ARID1B: variants seen among roughly 807,000 people sequenced by gnomAD.
ARID1B encodes the protein AT-rich interactive domain-containing protein 1B.
Under a neutral mutation model 212.3 loss-of-function variants are expected in ARID1B, and 30 were observed. That is an observed-to-expected ratio of 0.14 (90% CI 0.11 to 0.19). The LOEUF is 0.19. Ranked by LOEUF, ARID1B falls within the 10% of genes least tolerant of loss-of-function variation. The pLI is 1.00. For synonymous variants in ARID1B, 1,402 were observed against 1,301.7 expected (o/e 1.08, Z -1.66); for missense variants, 2,891 against 3,204.0 (o/e 0.90, Z 2.36).
intron 2 of ARID1B, among the ~76,000 whole-genome samples, chr6:156,833,572 A>G (rs1047149725): frequency 6.6e-6 from 1 of 152,212 alleles, no homozygotes; most frequent in Non-Finnish European, 1.5e-5. Flanking sequence ...ATTGAAGTTC[A>G]TGAGTGCTTT....
intron 4 of ARID1B, among the ~76,000 whole-genome samples, chr6:157,028,301 G>A (rs776576445): frequency 5.3e-5 from 8 of 152,018 alleles, no homozygotes; most frequent in Non-Finnish European, 1.0e-4. Flanking sequence ...AAACTTTCTA[G>A]AATTTAGGAA....
At chr6:156,880,477 C>A (rs1276501659) in intron 2 of ARID1B, among the ~76,000 whole-genome samples, 2 of 152,126 alleles carry the variant, frequency 1.3e-5, no homozygotes, top group Non-Finnish European at 2.9e-5. Flanking sequence ...GTGGCTCACG[C>A]CTGTAATCCC....
intron 2 of ARID1B, among the ~76,000 whole-genome samples, chr6:156,868,068 A>C (rs1354812296): frequency 6.6e-6 from 1 of 152,196 alleles, no homozygotes; most frequent in African/African-American, 2.4e-5. Flanking sequence ...CTATGAGGAA[A>C]GCCTTGTAGC....
chr6:157,089,982 T>G (rs750745763), intron 5 of ARID1B, among the ~76,000 whole-genome samples: 1 of 152,166 alleles, frequency 6.6e-6, no homozygotes, highest in Non-Finnish European at 1.5e-5. Flanking sequence ...TCTTGGGTCT[T>G]ACGCTGGGCC....
At chr6:156,983,199 A>G in intron 4 of ARID1B, among the ~76,000 whole-genome samples, 1 of 152,058 alleles carries the variant, frequency 6.6e-6, no homozygotes, top group South Asian at 2.1e-4. Flanking sequence ...GTTCAAGACC[A>G]GCCTGACCAA....
chr6:157,063,887 T>C (rs1783508916), intron 4 of ARID1B, among the ~76,000 whole-genome samples: 1 of 152,208 alleles, frequency 6.6e-6, no homozygotes, highest in African/African-American at 2.4e-5. Flanking sequence ...ACCAGGAGAA[T>C]ACTGAGAGCT....
At chr6:156,788,834 A>C (rs550699675) in intron 1 of ARID1B, among the ~76,000 whole-genome samples, 7 of 152,370 alleles carry the variant, frequency 4.6e-5, no homozygotes, top group African/African-American at 1.7e-4. Context: ...TAAAACTATC[A>C]GGGACAAAAT....
intron 1 of ARID1B, among the ~76,000 whole-genome samples, chr6:156,781,474 G>T (rs1157798616): frequency 6.6e-6 from 1 of 152,080 alleles, no homozygotes; most frequent in Non-Finnish European, 1.5e-5. Flanking sequence ...AACAGTCGTT[G>T]TATGTATATT....
intron 4 of ARID1B, among the ~76,000 whole-genome samples, chr6:157,048,807 T>C (rs1342957260): frequency 6.6e-6 from 1 of 152,240 alleles, no homozygotes; most frequent in Admixed American, 6.5e-5. Flanking sequence ...TTTATTCGTT[T>C]GTGCATAGCC....
chr6:157,093,480 A>G (rs116893172), intron 5 of ARID1B, among the ~76,000 whole-genome samples: 2,746 of 152,324 alleles, frequency 0.018, 37 homozygotes, highest in Non-Finnish European at 0.028. Flanking sequence ...ACAGGGTGAT[A>G]TGGGTTGTCA....
intron 2 of ARID1B, among the ~76,000 whole-genome samples, chr6:156,853,602 C>G (rs1165217780): frequency 1.3e-5 from 2 of 152,110 alleles, no homozygotes; most frequent in Non-Finnish European, 2.9e-5. Context: ...TTCTCTTGTT[C>G]TCTGTGGTCT....
At chr6:157,004,917 T>G (rs1289657695) in intron 4 of ARID1B, among the ~76,000 whole-genome samples, 1,339 of 125,696 alleles carry the variant, frequency 0.011, 41 homozygotes, top group African/African-American at 0.04. Flanking sequence ...TTTTTTTTTT[T>G]TTTTTTTTTT....
intron 2 of ARID1B, among the ~76,000 whole-genome samples, chr6:156,875,259 A>G (rs1307057410): frequency 1.3e-5 from 2 of 152,236 alleles, no homozygotes; most frequent in South Asian, 2.1e-4. Context: ...CTTTAGCTTC[A>G]TAGGAAATGG....
intron 1 of ARID1B, among the ~76,000 whole-genome samples, chr6:156,811,538 G>A (rs913576349): frequency 2.6e-5 from 4 of 152,150 alleles, no homozygotes; most frequent in Non-Finnish European, 4.4e-5. Flanking sequence ...TTCATTCTGA[G>A]GCCTCTTCCC....
chr6:156,838,733 A>AATAATAATAATAAT (rs1049287456), intron 2 of ARID1B, among the ~76,000 whole-genome samples: 1 of 149,678 alleles, frequency 6.7e-6, no homozygotes, highest in Non-Finnish European at 1.5e-5. Flanking sequence ...TAATAATAAT[A>AATAATAATAATAAT]AACAAAAAAA....
chr6:156,840,846 A>T (rs968693495), intron 2 of ARID1B, among the ~76,000 whole-genome samples: 4 of 152,070 alleles, frequency 2.6e-5, no homozygotes, highest in Non-Finnish European at 4.4e-5. Context: ...TAAATTGGAG[A>T]TGGCTGCTAC....
At chr6:157,095,863 A>G (rs971496947) in intron 5 of ARID1B, among the ~76,000 whole-genome samples, 5 of 150,862 alleles carry the variant, frequency 3.3e-5, no homozygotes, top group Middle Eastern at 3.4e-3. Flanking sequence ...AAAAAAAAGT[A>G]TCACATTTTA....
At chr6:157,027,946 A>T (rs781662280) in intron 4 of ARID1B, among the ~76,000 whole-genome samples, 7 of 152,204 alleles carry the variant, frequency 4.6e-5, no homozygotes, top group Non-Finnish European at 8.8e-5. Context: ...TTTAAATGTA[A>T]GATTTTCCTT....
chr6:156,946,080 G>A (rs540084203), intron 4 of ARID1B, among the ~76,000 whole-genome samples: 1 of 151,850 alleles, frequency 6.6e-6, no homozygotes, highest in Non-Finnish European at 1.5e-5. Context: ...TAATGGGCCA[G>A]GCGTGGTGGC....
Sources: gnomAD v4.1 joint callset for allele counts (sites outside exome capture counted in the v4.1 genomes callset) on GRCh38, gnomAD v4.1.1 for gene constraint, MANE v1.5 for transcripts, NCBI Gene and HGNC (gene_info 2026-07-23, HGNC 2026-07-21) for gene names.